PTPRR: variants seen among roughly 807,000 people sequenced by gnomAD.
PTPRR encodes protein tyrosine phosphatase receptor type R.
Under a neutral mutation model 77.2 loss-of-function variants are expected in PTPRR, and 38 were observed. The observed-to-expected ratio is 0.49, with a 90% CI of 0.38 to 0.65. The LOEUF (loss-of-function observed/expected upper bound fraction) is 0.65. Among genes scored for constraint, PTPRR ranks in the 30% least tolerant of loss-of-function variants. PTPRR has a pLI of 0.00. For missense variants in PTPRR, 744 were observed against 799.2 expected (o/e 0.93, Z 0.83); for synonymous variants, 299 against 283.1 (o/e 1.06, Z -0.57).
chr12:70,864,337 G>A (rs1188336306), intron 2 of PTPRR, among the ~76,000 whole-genome samples: 1 of 152,120 alleles, frequency 6.6e-6, no homozygotes, highest in Non-Finnish European at 1.5e-5. Context: ...TAGGTTTCTG[G>A]TCAGCCAAAG....
At position 70,759,404 on chromosome 12, in the gene PTPRR, C is replaced by T. The variant is rs139279542; in HGVS notation, c.627+2067G>A. Among the ~76,000 whole-genome samples the T allele has an allele frequency of 2.9e-4, 44 of 152,074 alleles. No individual in the cohort carries two copies. The East Asian group carries it at 7.9e-3, about 27-fold the overall frequency. ...TAAGGAGTTTTTGTTTTAAGCTTGACGGGAACACAGGGTAAGGAGCATCTT... is the reference window on the plus strand; with the variant it reads ...TAAGGAGTTTTTGTTTTAAGCTTGATGGGAACACAGGGTAAGGAGCATCTT... On this transcript the variant is annotated intron_variant, in intron 4 of 13. Transcript: ENST00000283228.
chr12:70,801,753 C>CTATCTATT (rs1163084354), intron 2 of PTPRR, among the ~76,000 whole-genome samples: 1 of 152,154 alleles, frequency 6.6e-6, no homozygotes, highest in African/African-American at 2.4e-5. Flanking sequence ...ATCTATCTAT[C>CTATCTATT]TATCTATCTA....
intron 1 of PTPRR, among the ~76,000 whole-genome samples, chr12:70,915,062 A>T (rs1421146237): frequency 6.6e-6 from 1 of 152,202 alleles, no homozygotes; most frequent in South Asian, 2.1e-4. Context: ...CCATTAAATA[A>T]TACACAGCAG....
rs1267664183 is a variant in PTPRR at position 70,676,097 on chromosome 12, T to C, written c.1497+8030A>G. Among the ~76,000 whole-genome samples the C allele has an allele frequency of 5.9e-5, 9 of 151,932 alleles. No individual in the cohort carries two copies. In the East Asian group the frequency reaches 1.7e-3, roughly 29 times the overall value. The stretch of plus-strand genomic sequence containing the variant: ...TTCAAATATTACTTCTTTTCTCATA[T>C]CCTCTTCTTTCTCCTTCTAAAACAC... On this transcript the variant is annotated intron_variant, in intron 10 of 13. Coordinates refer to ENST00000283228, the MANE Select transcript of PTPRR (RefSeq NM_002849.4).
chr12:70,783,870 G>A (rs868702066), intron 2 of PTPRR, among the ~76,000 whole-genome samples: 20 of 87,524 alleles, frequency 2.3e-4, no homozygotes, highest in Admixed American at 2.0e-3. Flanking sequence ...GGACGGGGGG[G>A]GGGGGCGGGG....
At chr12:70,754,770 G>A (rs891770360) in intron 4 of PTPRR, 85 of 1,507,732 alleles carry the variant, frequency 5.6e-5, no homozygotes, top group Admixed American at 1.6e-4. Context: ...AATAAATACA[G>A]CAACAATGCC....
intron 1 of PTPRR, among the ~76,000 whole-genome samples, chr12:70,907,609 A>C (rs1697538415): frequency 6.6e-6 from 1 of 152,234 alleles, no homozygotes; most frequent in African/African-American, 2.4e-5. Context: ...CATTTGATAA[A>C]TATCTATTAC....
intron 13 of PTPRR, among the ~76,000 whole-genome samples, chr12:70,649,801 C>T (rs1886329413): frequency 6.6e-6 from 1 of 152,102 alleles, no homozygotes; most frequent in South Asian, 2.1e-4. Flanking sequence ...TTTTGAACTC[C>T]TGACCTCAAG....
At chr12:70,706,275 T>C (rs1168237756) in intron 6 of PTPRR, among the ~76,000 whole-genome samples, 1 of 152,036 alleles carries the variant, frequency 6.6e-6, no homozygotes, top group Non-Finnish European at 1.5e-5. Context: ...ACTTGAAAGA[T>C]GATAGGATAA....
chr12:70,670,864 A>G (rs1396883602), intron 10 of PTPRR, among the ~76,000 whole-genome samples: 1 of 152,226 alleles, frequency 6.6e-6, no homozygotes, highest in East Asian at 1.9e-4. Context: ...CAAACTTACC[A>G]GCAATAAAAT....
chr12:70,658,847 T>C (rs1886678497), intron 12 of PTPRR, among the ~76,000 whole-genome samples: 1 of 150,170 alleles, frequency 6.7e-6, no homozygotes, highest in Non-Finnish European at 1.5e-5. Flanking sequence ...CCTCTGCGGT[T>C]TATGGATAGG....
Position 70,788,224 on chromosome 12 carries a change from G to A in PTPRR, c.358-23446C>T, listed in dbSNP as rs1196409429. ...CAACAAAGCTGAGTTCCCCAGCTGG[G>A]AATTTAGCTGATGATGTCTCATAGC... is the stretch of plus-strand genomic sequence containing the variant. On this transcript the variant is annotated intron_variant, in intron 2 of 13. Coordinates refer to ENST00000283228, the MANE Select transcript of PTPRR (RefSeq NM_002849.4). Among the ~76,000 whole-genome samples, 7 of 152,294 alleles carry A rather than the reference G, an allele frequency of 4.6e-5. No homozygotes were observed. In the East Asian group the frequency reaches 1.4e-3, roughly 29 times the overall value.
intron 2 of PTPRR, among the ~76,000 whole-genome samples, chr12:70,801,239 T>C (rs986854088): frequency 2.0e-5 from 3 of 152,204 alleles, no homozygotes; most frequent in African/African-American, 7.2e-5. Context: ...TTAAAGTCCA[T>C]TGTCATGGTT....
intron 1 of PTPRR, among the ~76,000 whole-genome samples, chr12:70,920,068 G>T (rs1443211818): frequency 2.6e-5 from 4 of 152,068 alleles, no homozygotes; most frequent in East Asian, 1.9e-4. Flanking sequence ...GGAGGCGAAG[G>T]GGGGAGCAAA....
intron 7 of PTPRR, 60 bp downstream of exon 7, chr12:70,701,077 C>T: frequency 4.5e-6 from 7 of 1,566,600 alleles, no homozygotes; most frequent in Non-Finnish European, 6.1e-6. Context: ...TTCCATACGT[C>T]TCTAGTGCCC....
chr12:70,766,891 G>T (rs550385266), intron 2 of PTPRR, among the ~76,000 whole-genome samples: 1 of 152,016 alleles, frequency 6.6e-6, no homozygotes, highest in African/African-American at 2.4e-5. Context: ...TTTTCAACCC[G>T]GAATTTTATA....
At position 70,661,034 on chromosome 12, in the gene PTPRR, G is replaced by A. The variant is rs1886780744; in HGVS notation, c.1672C>T (p.Pro558Ser). 1 of 1,613,422 alleles carries A rather than the reference G, an allele frequency of 6.2e-7. No homozygotes were observed. The highest frequency in any genetic ancestry group is 1.3e-5 in the African/African-American group (1 of 74,922). The change falls in exon 12 of 14, where the codon CCA becomes TCA. Residue 558 changes from proline (P) to serine (S), a missense_variant. Physicochemically the swap from Pro to Ser is moderately conservative, Grantham distance 74 (BLOSUM62 -1). Around this residue, in one of 3 missense-constraint regions of PTPRR, gnomAD observed 170 missense variants for 209.8 expected, o/e 0.81. Transcript: ENST00000283228. ...TGTAGGAGGGGCTGGGCACTGTCTG[G>A]AGTCTTGTGATCAGGCCATGAGGTG... Reference protein sequence around the residue: ...WYTSWPDHKTPDSAQPLLQLM... With the variant: ...WYTSWPDHKTSDSAQPLLQLM...
chr12:70,855,103 T>C (rs1892630844), intron 2 of PTPRR, among the ~76,000 whole-genome samples: 1 of 152,208 alleles, frequency 6.6e-6, no homozygotes. Context: ...ACACATCTGC[T>C]GCTGAATTTA....
intron 2 of PTPRR, among the ~76,000 whole-genome samples, chr12:70,811,348 A>T (rs1891804946): frequency 6.6e-6 from 1 of 152,360 alleles, no homozygotes; most frequent in East Asian, 1.9e-4. Context: ...GGGCAGCTTT[A>T]AAAGCAAATG....
Sources: allele counts gnomAD v4.1 joint callset (sites outside exome capture counted in the v4.1 genomes callset), GRCh38; gene constraint gnomAD v4.1.1; regional missense constraint gnomAD v4.1.1; transcripts MANE v1.5; gene names NCBI Gene and HGNC (gene_info 2026-07-23, HGNC 2026-07-21).